MBNL1: variants seen among roughly 807,000 people sequenced by gnomAD.
MBNL1 encodes muscleblind-like protein 1.
MBNL1 carries 8 observed loss-of-function variants against 42.2 expected under a neutral mutation model. The observed-to-expected ratio is 0.19, with a 90% CI of 0.11 to 0.34. The LOEUF is 0.34. Ranked by LOEUF, MBNL1 falls within the 10% of genes least tolerant of loss-of-function variation. The probability of loss-of-function intolerance (pLI) is 1.00; values close to 1 mark genes in which losing one functional copy is unlikely to be tolerated. For missense variants in MBNL1, 309 were observed against 495.3 expected, an observed-to-expected ratio of 0.62 and a Z score of 3.57; for synonymous variants, 169 against 173.9, an observed-to-expected ratio of 0.97 and a Z score of 0.22.
intron 2 of MBNL1, among the ~76,000 whole-genome samples, chr3:152,406,094 G>A (rs1255173885): frequency 6.6e-6 from 1 of 152,138 alleles, no homozygotes; most frequent in Admixed American, 6.5e-5. Flanking sequence ...CTTTCACAAG[G>A]TCATAGAGAC....
chr3:152,317,506 G>A (rs2072750112), intron 2 of MBNL1, among the ~76,000 whole-genome samples: 1 of 151,976 alleles, frequency 6.6e-6, no homozygotes, highest in Non-Finnish European at 1.5e-5. Flanking sequence ...TTTTTGTATA[G>A]ATGAGGTTTC....
intron 1 of MBNL1, among the ~76,000 whole-genome samples, chr3:152,295,394 C>T (rs748752508): frequency 1.3e-5 from 2 of 152,054 alleles, no homozygotes; most frequent in Non-Finnish European, 2.9e-5. Flanking sequence ...TCTTGGGGTA[C>T]CAGTCTTCTT....
chr3:152,253,280 T>C (rs958463576), intron 2 of MBNL1, among the ~76,000 whole-genome samples: 1 of 152,092 alleles, frequency 6.6e-6, no homozygotes, highest in Non-Finnish European at 1.5e-5. Flanking sequence ...GCCAACAGTA[T>C]CCTTAATTTC....
At chr3:152,333,002 G>A (rs139395845) in intron 2 of MBNL1, among the ~76,000 whole-genome samples, 7 of 152,204 alleles carry the variant, frequency 4.6e-5, no homozygotes, top group Non-Finnish European at 5.9e-5. Flanking sequence ...AATCAAGGCC[G>A]TACCTTCCTC....
chr3:152,311,001 CTT>C (rs71144111), intron 2 of MBNL1, among the ~76,000 whole-genome samples: 719 of 77,404 alleles, frequency 9.3e-3, no homozygotes, highest in Non-Finnish European at 9.8e-3. Context: ...AACCATGAGA[CTT>C]TTTTTTTTTT....
At chr3:152,453,732 C>T (rs1728113459) in intron 6 of MBNL1, among the ~76,000 whole-genome samples, 1 of 152,086 alleles carries the variant, frequency 6.6e-6, no homozygotes, top group African/African-American at 2.4e-5. Flanking sequence ...GGTTATAATG[C>T]TAATGAGGAA....
At chr3:152,246,738 T>A (rs1288156700) in intron 2 of MBNL1, among the ~76,000 whole-genome samples, 1 of 152,000 alleles carries the variant, frequency 6.6e-6, no homozygotes, top group Non-Finnish European at 1.5e-5. Flanking sequence ...TGTATAGTAT[T>A]GTAAAATTTG....
At chr3:152,366,481 A>G (rs1297396322) in intron 2 of MBNL1, among the ~76,000 whole-genome samples, 1 of 152,212 alleles carries the variant, frequency 6.6e-6, no homozygotes, top group Non-Finnish European at 1.5e-5. Context: ...ATAAGCTGGC[A>G]GATACATTTC....
intron 2 of MBNL1, among the ~76,000 whole-genome samples, chr3:152,326,927 C>T (rs1421274230): frequency 2.0e-5 from 3 of 151,514 alleles, no homozygotes; most frequent in South Asian, 2.1e-4. Flanking sequence ...CTTAGCCTCC[C>T]GAGTAGCTGG....
intron 1 of MBNL1, among the ~76,000 whole-genome samples, chr3:152,291,016 A>T (rs1489998802): frequency 1.3e-5 from 2 of 152,156 alleles, no homozygotes; most frequent in South Asian, 2.1e-4. Flanking sequence ...CTGATTCCCT[A>T]TTTACTATTT....
intron 3 of MBNL1, among the ~76,000 whole-genome samples, chr3:152,428,931 A>G (rs917042824): frequency 6.6e-6 from 1 of 152,224 alleles, no homozygotes; most frequent in Admixed American, 6.5e-5. Context: ...AATGGGGCTA[A>G]TACCCACTTC....
chr3:152,433,157 C>G (rs1011016174), intron 4 of MBNL1, among the ~76,000 whole-genome samples: 1 of 152,180 alleles, frequency 6.6e-6, no homozygotes, highest in African/African-American at 2.4e-5. Flanking sequence ...ACGCTAAAGT[C>G]ACATTGCCTG....
At chr3:152,423,936 A>G (rs747782331) in intron 3 of MBNL1, among the ~76,000 whole-genome samples, 1 of 152,234 alleles carries the variant, frequency 6.6e-6, no homozygotes, top group Non-Finnish European at 1.5e-5. Flanking sequence ...TCTCAAAATA[A>G]TAAGAGCTAT....
intron 2 of MBNL1, among the ~76,000 whole-genome samples, chr3:152,256,940 G>A (rs1444603030): frequency 6.6e-6 from 1 of 152,126 alleles, no homozygotes; most frequent in African/African-American, 2.4e-5. Context: ...TGGATGTGTT[G>A]TTGTAGGAGC....
upstream of MBNL1, chr3:152,265,642 A>C (rs1194101538): frequency 6.6e-6 from 1 of 152,164 alleles, no homozygotes; most frequent in Non-Finnish European, 1.5e-5. Context: ...ATATTCCTTA[A>C]CTGTATTTTT....
At chr3:152,380,877 T>C (rs906306876) in intron 2 of MBNL1, among the ~76,000 whole-genome samples, 1 of 152,116 alleles carries the variant, frequency 6.6e-6, no homozygotes, top group African/African-American at 2.4e-5. Flanking sequence ...AATCGAACTA[T>C]TCACAAGCCA....
chr3:152,339,061 TA>T (rs1394946595), intron 2 of MBNL1, among the ~76,000 whole-genome samples: 3 of 152,194 alleles, frequency 2.0e-5, no homozygotes, highest in Non-Finnish European at 4.4e-5. Context: ...TGTTAATATT[TA>T]AAACCAAAAA....
intron 1 of MBNL1, among the ~76,000 whole-genome samples, chr3:152,272,555 C>T (rs368738686): frequency 2.6e-5 from 4 of 151,282 alleles, no homozygotes; most frequent in African/African-American, 7.3e-5. Context: ...TTTTCTTTTG[C>T]TAGAACTTTC....
intron 2 of MBNL1, among the ~76,000 whole-genome samples, chr3:152,309,890 C>T (rs537219947): frequency 1.4e-3 from 215 of 152,224 alleles, no homozygotes; most frequent in Non-Finnish European, 2.2e-3. Context: ...TATAAGCTTT[C>T]GAGCTTCTGA....
Sources: allele counts gnomAD v4.1 joint callset (sites outside exome capture counted in the v4.1 genomes callset), GRCh38; gene constraint gnomAD v4.1.1; transcripts MANE v1.5; gene names NCBI Gene and HGNC (gene_info 2026-07-23, HGNC 2026-07-21).